The following FAM81B variants were observed in gnomAD, a reference collection of about 807,000 sequenced individuals.
FAM81B encodes the protein protein FAM81B.
Under a neutral mutation model 58.7 loss-of-function variants are expected in FAM81B, and 60 were observed. The ratio of observed to expected loss-of-function variants is 1.02; its 90% CI spans 0.83 to 1.27. The LOEUF is 1.27. Among genes scored for constraint, FAM81B ranks in the 50% most tolerant of loss-of-function variants. The pLI, the probability that FAM81B is intolerant of heterozygous loss-of-function variation, is 0.00. For synonymous variants in FAM81B, 189 were observed against 179.6 expected (o/e 1.05, Z -0.42); for missense variants, 491 against 522.0 (o/e 0.94, Z 0.58).
rs749719795 is a variant in FAM81B, at chr5:95,436,786, C to G, written c.787-14C>G. The G allele has an allele frequency of 6.4e-7, 1 of 1,565,272 alleles. No individual in the cohort carries two copies. The highest frequency in any genetic ancestry group is 1.7e-5 in the Admixed American group (1 of 59,960). On this transcript the variant is annotated splice_polypyrimidine_tract_variant and intron_variant, in intron 6 of 9. Transcript: ENST00000283357. ...TTTTGTTCATATGCACAAACCCTCT[C>G]GTACTTTGACTAGGTGATGCAGCTC...
At chr5:95,391,663 G>A (rs1582773073) in intron 1 of FAM81B, 150 bp downstream of exon 1, 21 of 695,408 alleles carry the variant, frequency 3.0e-5, no homozygotes, top group South Asian at 8.0e-5. Flanking sequence ...AAATGTACAA[G>A]AAAAAAAAAC....
At chr5:95,429,445 G>C (rs1234453498) in intron 6 of FAM81B, among the ~76,000 whole-genome samples, 1 of 152,108 alleles carries the variant, frequency 6.6e-6, no homozygotes, top group Non-Finnish European at 1.5e-5. Flanking sequence ...GAAGTCATTT[G>C]GGCAGAACAA....
At chr5:95,442,714 T>G (rs899536082) in intron 7 of FAM81B, among the ~76,000 whole-genome samples, 2 of 152,340 alleles carry the variant, frequency 1.3e-5, no homozygotes, top group Middle Eastern at 3.4e-3. Flanking sequence ...GGAGGCAGAA[T>G]TGATTTTTAG....
At chr5:95,413,068 C>T (rs1205984577) in intron 3 of FAM81B, among the ~76,000 whole-genome samples, 1 of 152,134 alleles carries the variant, frequency 6.6e-6, no homozygotes, top group Non-Finnish European at 1.5e-5. Flanking sequence ...TCTTTTTATT[C>T]TCTGATGAAG....
At chr5:95,432,127 C>T (rs73141949) in intron 6 of FAM81B, among the ~76,000 whole-genome samples, 4,618 of 151,968 alleles carry the variant, frequency 0.03, 209 homozygotes, top group African/African-American at 0.098. Context: ...AAATCAAAAA[C>T]GATTATTGAA....
chr5:95,404,992 G>A (rs754090558), intron 3 of FAM81B, among the ~76,000 whole-genome samples: 39 of 152,192 alleles, frequency 2.6e-4, no homozygotes, highest in Non-Finnish European at 4.7e-4. Flanking sequence ...TAAGCCATAG[G>A]AAGGTTTTAA....
At chr5:95,438,969 T>G (rs1423135970) in intron 7 of FAM81B, among the ~76,000 whole-genome samples, 1 of 151,002 alleles carries the variant, frequency 6.6e-6, no homozygotes, top group African/African-American at 2.4e-5. Context: ...TAAAAATAAT[T>G]TCTATACCTA....
rs150141557 is a variant in FAM81B at position 95,434,580 on chromosome 5, G to C, written c.787-2220G>C. Among the ~76,000 whole-genome samples, 5 of 152,202 alleles carry C rather than the reference G, an allele frequency of 3.3e-5. No individual in the cohort carries two copies. In the East Asian group the frequency reaches 9.6e-4, roughly 29 times the overall value. On this transcript the variant is annotated intron_variant, in intron 6 of 9. Coordinates refer to ENST00000283357, the MANE Select transcript of FAM81B (RefSeq NM_152548.3). ...CAAATCCCTTTTGCTCTACAGCATC[G>C]CACCTTCACAGGTTTCAGACTGAGG...
intron 7 of FAM81B, among the ~76,000 whole-genome samples, chr5:95,438,785 TAA>T (rs11299017): frequency 1.7e-3 from 215 of 128,238 alleles, no homozygotes; most frequent in African/African-American, 4.2e-3. Context: ...GCATTAATTG[TAA>T]AAAAAAAAAA....
At chr5:95,428,067 G>T (rs141912645) in intron 5 of FAM81B, among the ~76,000 whole-genome samples, 3 of 152,298 alleles carry the variant, frequency 2.0e-5, no homozygotes, top group Non-Finnish European at 4.4e-5. Flanking sequence ...CAAGGAACAG[G>T]AGTTTTGTTT....
chr5:95,432,522 A>C (rs779946800), intron 6 of FAM81B, among the ~76,000 whole-genome samples: 10 of 152,070 alleles, frequency 6.6e-5, no homozygotes, highest in Non-Finnish European at 1.2e-4. Context: ...ATGGGGAAGG[A>C]AGCCCTTTGA....
At chr5:95,400,552 C>T (rs961899678) in intron 3 of FAM81B, among the ~76,000 whole-genome samples, 1 of 152,062 alleles carries the variant, frequency 6.6e-6, no homozygotes, top group African/African-American at 2.4e-5. Flanking sequence ...TCTGCAAGAC[C>T]CAATTTCCAA....
At position 95,441,765 on chromosome 5, in the gene FAM81B, G is replaced by C. The variant is rs377032551; in HGVS notation, c.894-4797G>C. Among the ~76,000 whole-genome samples the C allele has an allele frequency of 1.7e-3, 252 of 152,188 alleles. 2 individuals are homozygous for C. Among genetic ancestry groups the C allele is most frequent in the African/African-American group, 5.8e-3 (243 of 41,544 alleles). On this transcript the variant is annotated intron_variant, in intron 7 of 9. Transcript: ENST00000283357. ...GATTTGGGCACTGATCTCTAGATCC[G>C]ACAAAGACATGCACTGAACCCCTCC... is the stretch of plus-strand genomic sequence containing the variant.
chr5:95,423,059 A>G (rs1762729331), intron 5 of FAM81B, among the ~76,000 whole-genome samples: 1 of 152,146 alleles, frequency 6.6e-6, no homozygotes, highest in African/African-American at 2.4e-5. Context: ...TTGCCAGGCA[A>G]ATGACTAATG....
intron 3 of FAM81B, among the ~76,000 whole-genome samples, chr5:95,403,672 A>G (rs1762170691): frequency 6.6e-6 from 1 of 152,192 alleles, no homozygotes; most frequent in South Asian, 2.1e-4. Context: ...TCATGATCAC[A>G]AGATGCCTTT....
rs553288591 is a variant in FAM81B at position 95,426,970 on chromosome 5, A to G, written c.657-1633A>G. Among the ~76,000 whole-genome samples the G allele has an allele frequency of 2.4e-3, 362 of 152,246 alleles. 3 individuals are homozygous for G. Among genetic ancestry groups the G allele is most frequent in the African/African-American group, 8.4e-3 (347 of 41,538 alleles). On this transcript the variant is annotated intron_variant, in intron 5 of 9. Transcript: ENST00000283357. ...AGGGTGAGGCAGGAGAATGGCGTGA[A>G]CCTGGGAGGCGGAGCTTGCAGTGAG...
rs140488071 is a variant in FAM81B, at chr5:95,440,719, T to C, written c.893+3813T>C. On this transcript the variant is annotated intron_variant, in intron 7 of 9. Coordinates refer to ENST00000283357, the MANE Select transcript of FAM81B (RefSeq NM_152548.3). ...CTTTAGGACTTCAGCTTCTCACCTA[T>C]TTAGTACAACTGGGAACCATGTCCA... is the stretch of plus-strand genomic sequence containing the variant. The C allele has an allele frequency of 5.8e-3, 3,505 of 605,980 alleles. 50 individuals are homozygous for C. Among genetic ancestry groups the C allele is most frequent in the African/African-American group, 0.031 (1,619 of 51,764 alleles). 37.5% of individuals were successfully genotyped at this position (605,980 alleles called of 1,614,324 possible).
chr5:95,422,204 G>A (rs12516799), intron 5 of FAM81B, among the ~76,000 whole-genome samples: 47,325 of 151,554 alleles, frequency 0.31, 8,567 homozygotes, highest in Non-Finnish European at 0.42. Flanking sequence ...AAAAGATGCC[G>A]TCTTGGAAAT....
At chr5:95,429,768 A>G (rs527880052) in intron 6 of FAM81B, among the ~76,000 whole-genome samples, 1 of 152,354 alleles carries the variant, frequency 6.6e-6, no homozygotes, top group East Asian at 1.9e-4. Context: ...GTGGTCATAG[A>G]AGGCAACTTA....
Sources: allele counts gnomAD v4.1 joint callset (sites outside exome capture counted in the v4.1 genomes callset), GRCh38; gene constraint gnomAD v4.1.1; transcripts MANE v1.5; gene names NCBI Gene and HGNC (gene_info 2026-07-23, HGNC 2026-07-21).